Variants in PAM observed in about 807,000 individuals in gnomAD.
PAM encodes peptidylglycine alpha-amidating monooxygenase.
Under a neutral mutation model 122.1 loss-of-function variants are expected in PAM, and 72 were observed. That is an observed-to-expected ratio of 0.59 (90% CI 0.49 to 0.72). The LOEUF (loss-of-function observed/expected upper bound fraction) is 0.72. Among genes scored for constraint, PAM ranks in the 30% least tolerant of loss-of-function variants. PAM has a pLI of 0.00. For missense variants in PAM, 1,106 were observed against 1,183.7 expected, an observed-to-expected ratio of 0.93 and a Z score of 0.96; for synonymous variants, 389 against 404.4, an observed-to-expected ratio of 0.96 and a Z score of 0.46.
intron 1 of PAM, among the ~76,000 whole-genome samples, chr5:102,770,943 G>T (rs1430987756): frequency 6.6e-6 from 1 of 152,024 alleles, no homozygotes; most frequent in African/African-American, 2.4e-5. Context: ...AGCTTTGATT[G>T]TGTCTCTAGG....
chr5:102,972,226 G>A (rs1282162022), intron 14 of PAM, among the ~76,000 whole-genome samples: 1 of 152,176 alleles, frequency 6.6e-6, no homozygotes, highest in Non-Finnish European at 1.5e-5. Flanking sequence ...GAGCGAAAGA[G>A]AGAGACCCTG....
intron 1 of PAM, among the ~76,000 whole-genome samples, chr5:102,805,542 T>C (rs1013287916): frequency 1.3e-5 from 2 of 152,180 alleles, no homozygotes; most frequent in African/African-American, 4.8e-5. Flanking sequence ...AGTGTTGCTA[T>C]TGGGTAGGTT....
chr5:102,935,551 A>G (rs781421650), intron 7 of PAM, among the ~76,000 whole-genome samples: 6 of 152,160 alleles, frequency 3.9e-5, no homozygotes, highest in African/African-American at 9.7e-5. Flanking sequence ...GATATCTAGA[A>G]ATGAGATTTT....
chr5:102,826,451 T>C (rs1349162108), intron 1 of PAM, among the ~76,000 whole-genome samples: 2 of 152,222 alleles, frequency 1.3e-5, no homozygotes, highest in Admixed American at 1.3e-4. Flanking sequence ...GTGGATTTGG[T>C]ATAAAACAAC....
intron 1 of PAM, among the ~76,000 whole-genome samples, chr5:102,780,698 G>A (rs951971407): frequency 1.2e-4 from 19 of 152,110 alleles, no homozygotes; most frequent in African/African-American, 4.6e-4. Context: ...TGCATCCCAT[G>A]AAAAATCATT....
rs74635679 is a variant in PAM at position 102,979,501 on chromosome 5, C to T, written c.1483+5065C>T. On this transcript the variant is annotated intron_variant, in intron 15 of 25. Coordinates refer to ENST00000438793, the MANE Select transcript of PAM (RefSeq NM_001177306.2). ...TTTACAAGTACAGAAAAAGCAAGCACCATATTTTGTTTTTGTTGAAGTCTT... is the reference window on the plus strand; with the variant it reads ...TTTACAAGTACAGAAAAAGCAAGCATCATATTTTGTTTTTGTTGAAGTCTT... 6.3e-3 allele frequency among the ~76,000 whole-genome samples: 959 copies of T among 152,082 alleles called. 6 individuals are homozygous for T. Among genetic ancestry groups the T allele is most frequent in the African/African-American group, 0.022 (916 of 41,478 alleles).
chr5:102,810,679 T>G (rs897705918), intron 1 of PAM, among the ~76,000 whole-genome samples: 2 of 151,922 alleles, frequency 1.3e-5, no homozygotes, highest in African/African-American at 4.8e-5. Flanking sequence ...AAATACAAAA[T>G]TAGTCAGGCG....
intron 1 of PAM, among the ~76,000 whole-genome samples, chr5:102,803,189 GGAAGGAAGGAAGGAAGGAAA>G (rs1217561155): frequency 0.032 from 4,075 of 125,678 alleles, 164 homozygotes; most frequent in Non-Finnish European, 0.052. Context: ...AAGGAAGGAA[GGAAGGAAGGAAGGAAGGAAA>G]GAAGGAAGGA....
At chr5:102,829,977 A>G (rs1774954097) in intron 1 of PAM, among the ~76,000 whole-genome samples, 1 of 152,168 alleles carries the variant, frequency 6.6e-6, no homozygotes, top group South Asian at 2.1e-4. Context: ...TCTGGGCCCT[A>G]GAGTCATACC....
At chr5:102,864,167 T>A (rs1581088916) in intron 1 of PAM, among the ~76,000 whole-genome samples, 1 of 138,680 alleles carries the variant, frequency 7.2e-6, no homozygotes, top group Non-Finnish European at 1.5e-5. Context: ...CTTCTTCATA[T>A]ATATATATAT....
intron 3 of PAM, among the ~76,000 whole-genome samples, chr5:102,881,485 T>A (rs1289696178): frequency 6.6e-6 from 1 of 152,072 alleles, no homozygotes; most frequent in African/African-American, 2.4e-5. Flanking sequence ...GAGGGTGCAC[T>A]GCTACAAGCT....
intron 16 of PAM, among the ~76,000 whole-genome samples, chr5:102,999,640 A>AAATCTAGGCAGAGGTTCCCAAAC (rs1457458478): frequency 2.0e-4 from 31 of 152,350 alleles, no homozygotes; most frequent in African/African-American, 6.5e-4. Flanking sequence ...ACATCTTCTG[A>AAATCTAGGCAGAGGTTCCCAAAC]AATCTAGGCA....
intron 24 of PAM, 82 bp downstream of exon 24, chr5:103,025,416 A>AT (rs772785040): frequency 8.6e-6 from 10 of 1,157,484 alleles, no homozygotes; most frequent in African/African-American, 7.6e-5. Context: ...TTTGATTGGG[A>AT]TTTTTTTCAC....
intron 1 of PAM, among the ~76,000 whole-genome samples, chr5:102,850,285 G>C (rs1781041568): frequency 6.6e-6 from 1 of 152,146 alleles, no homozygotes; most frequent in Non-Finnish European, 1.5e-5. Context: ...ATAGTGCATT[G>C]AGTAGAAGTA....
chr5:102,772,929 T>C (rs1208150377), intron 1 of PAM, among the ~76,000 whole-genome samples: 1 of 152,158 alleles, frequency 6.6e-6, no homozygotes, highest in Non-Finnish European at 1.5e-5. Flanking sequence ...CAAAACAATG[T>C]ATTTTGAAAT....
At chr5:102,945,657 C>T (rs763653761) in intron 7 of PAM, among the ~76,000 whole-genome samples, 5 of 151,936 alleles carry the variant, frequency 3.3e-5, no homozygotes, top group African/African-American at 4.8e-5. Flanking sequence ...CTTCTCCCCC[C>T]CTCTCTCCTT....
intron 4 of PAM, among the ~76,000 whole-genome samples, chr5:102,909,392 T>C (rs1419065774): frequency 6.6e-6 from 1 of 151,904 alleles, no homozygotes; most frequent in Non-Finnish European, 1.5e-5. Context: ...TATGAATTTA[T>C]TTTAAAAGAA....
At chr5:102,945,651 T>TCCC (rs532975979) in intron 7 of PAM, among the ~76,000 whole-genome samples, 1 of 151,802 alleles carries the variant, frequency 6.6e-6, no homozygotes, top group Non-Finnish European at 1.5e-5. Context: ...TCTATTCTTC[T>TCCC]CCCCCCCTCT....
chr5:102,830,494 G>T (rs1381266873), intron 1 of PAM, among the ~76,000 whole-genome samples: 2 of 152,104 alleles, frequency 1.3e-5, no homozygotes, highest in South Asian at 4.1e-4. Flanking sequence ...ACTTGTAACT[G>T]CTTGTTCATT....
Sources: gnomAD v4.1 joint callset for allele counts (sites outside exome capture counted in the v4.1 genomes callset) on GRCh38, gnomAD v4.1.1 for gene constraint, MANE v1.5 for transcripts, NCBI Gene and HGNC (gene_info 2026-07-23, HGNC 2026-07-21) for gene names.